Variants in NUP205 observed in about 807,000 individuals in gnomAD.
NUP205 encodes nuclear pore complex protein Nup205.
In NUP205, 76 loss-of-function variants were observed where a neutral mutation model predicts 253.8. That is an observed-to-expected ratio of 0.30 (90% CI 0.25 to 0.36). The LOEUF is 0.36. NUP205 is among the 10% of genes least tolerant of loss of function. The pLI, the probability that NUP205 is intolerant of heterozygous loss-of-function variation, is 1.00. For synonymous variants in NUP205, 832 were observed against 850.1 expected (o/e 0.98, Z 0.37); for missense variants, 2,162 against 2,425.5 (o/e 0.89, Z 2.28).
chr7:135,580,424 A>C (rs1806273462), intron 7 of NUP205, among the ~76,000 whole-genome samples: 1 of 152,162 alleles, frequency 6.6e-6, no homozygotes, highest in African/African-American at 2.4e-5. Context: ...TCTGACATAA[A>C]GTTACCCTTT....
rs79850592 is a variant in NUP205, at chr7:135,646,625, G to A, written c.5886+394G>A. The stretch of plus-strand genomic sequence containing the variant: ...TAAATAAATAAATAAATGAATGAAT[G>A]TAAGTAAGTAAGTAAAAAGGAAAGC... On this transcript the variant is annotated intron_variant, in intron 42 of 42. Transcript: ENST00000285968. Among the ~76,000 whole-genome samples the A allele has an allele frequency of 3.8e-3, 576 of 152,256 alleles. 2 individuals carry two copies. Among genetic ancestry groups the A allele is most frequent in the African/African-American group, 0.013 (551 of 41,552 alleles).
intron 22 of NUP205, chr7:135,613,601 A>T (rs1794290176): frequency 6.7e-6 from 1 of 149,090 alleles, no homozygotes; most frequent in South Asian, 2.1e-4. Context: ...CAGTGTCATG[A>T]TCTTGGCTCA....
chr7:135,617,406 AACTT>A (rs1447817373), intron 26 of NUP205, among the ~76,000 whole-genome samples, 159 bp downstream of exon 26: 1 of 152,224 alleles, frequency 6.6e-6, no homozygotes, highest in Non-Finnish European at 1.5e-5. Context: ...CCTGAAATAA[AACTT>A]AATATATCAC....
At chr7:135,598,772 A>T (rs1183572181) in intron 15 of NUP205, 1 of 152,808 alleles carries the variant, frequency 6.5e-6, no homozygotes, top group Non-Finnish European at 1.5e-5. Context: ...CGTGGCAGGT[A>T]CTATTTAATA....
intron 18 of NUP205, among the ~76,000 whole-genome samples, chr7:135,603,909 A>G (rs551450256): frequency 1.3e-5 from 2 of 152,196 alleles, no homozygotes; most frequent in Middle Eastern, 3.4e-3. Flanking sequence ...TTCACAGAAA[A>G]CTTGAGCTTT....
At chr7:135,643,447 C>G in intron 39 of NUP205, 89 bp downstream of exon 39, 1 of 938,852 alleles carries the variant, frequency 1.1e-6, no homozygotes, top group Non-Finnish European at 1.6e-6. Flanking sequence ...ACAACGTATA[C>G]AGTATGACTG....
At chr7:135,600,321 C>G (rs1377531848) in intron 15 of NUP205, among the ~76,000 whole-genome samples, 1 of 152,162 alleles carries the variant, frequency 6.6e-6, no homozygotes, top group Non-Finnish European at 1.5e-5. Flanking sequence ...GTCTTCTTAA[C>G]CTTCTTTGAC....
intron 17 of NUP205, among the ~76,000 whole-genome samples, chr7:135,602,270 G>T (rs1167711872): frequency 6.6e-6 from 1 of 152,196 alleles, no homozygotes; most frequent in Admixed American, 6.5e-5. Context: ...AAGATTATAG[G>T]TGATCCTTGT....
At chr7:135,647,684 A>G (rs1795035609) in intron 42 of NUP205, among the ~76,000 whole-genome samples, 1 of 152,222 alleles carries the variant, frequency 6.6e-6, no homozygotes, top group African/African-American at 2.4e-5. Context: ...TTTTGAAGTA[A>G]TAACTGTTAC....
At chr7:135,559,944 C>A (rs561637462) in intron 1 of NUP205, among the ~76,000 whole-genome samples, 4 of 151,824 alleles carry the variant, frequency 2.6e-5, no homozygotes, top group African/African-American at 7.2e-5. Flanking sequence ...CTGCAACGTC[C>A]GCCTCCTGGG....
Position 135,593,060 on chromosome 7 carries a change from C to T in NUP205, c.1698C>T (p.His566=), listed in dbSNP as rs144296796. The change falls in exon 12 of 43, where the codon CAC becomes CAT. Residue 566 remains histidine, a synonymous_variant. Transcript: ENST00000285968. ...TCTTTCACTCCTTGATGCTTTACCA[C>T]GAACACCTTCGGAAGGATCTTCCAA... ...EHFFHSLMLY[H]EHLRKDLPSA... 9 of 1,614,012 alleles carry T rather than the reference C, an allele frequency of 5.6e-6. No homozygotes were observed. Among genetic ancestry groups the T allele is most frequent in the Admixed American group, 1.7e-5 (1 of 60,010 alleles).
rs114019786 is a variant in NUP205, at chr7:135,638,443, A to C, written c.5266-114A>C. ...AAAAAAAAAAAAAAAGAATACACAG[A>C]TGTGAGTCATTTTACAAATTGATTG... On this transcript the variant is annotated intron_variant, in intron 37 of 42. Transcript: ENST00000285968. 1.0e-3 allele frequency: 826 copies of C among 805,624 alleles called. 6 individuals carry two copies. In the African/African-American group the frequency reaches 0.013, roughly 12 times the overall value. The allele number at this position is 805,624 out of a possible 1,614,324, so 49.9% of individuals were successfully genotyped here. A position where few individuals can be genotyped will look rare whatever the true frequency, so the allele number is the denominator to read the frequency against.
At chr7:135,567,948 G>A (rs1256399489) in intron 1 of NUP205, among the ~76,000 whole-genome samples, 2 of 152,122 alleles carry the variant, frequency 1.3e-5, no homozygotes, top group African/African-American at 2.4e-5. Flanking sequence ...AGTAGGGGCC[G>A]GGCGCCGTGG....
In NUP205 at chr7:135,638,136, G is replaced by A. The variant is rs1218227124; in HGVS notation, c.5265+77G>A. The A allele has an allele frequency of 3.4e-6, 5 of 1,491,718 alleles. No homozygotes were observed. In the South Asian group the frequency reaches 3.7e-5, roughly 11 times the overall value. The allele number at this position is 1,491,718 out of a possible 1,614,324, so 92.4% of individuals were successfully genotyped here. A position where few individuals can be genotyped will look rare whatever the true frequency, so the allele number is the denominator to read the frequency against. ...TAAAAATAACAGATGTGGACCTGGT[G>A]CGGTGGCTCACGCCTATAATCCCAG... On this transcript the variant is annotated intron_variant, in intron 37 of 42. Coordinates refer to ENST00000285968, the MANE Select transcript of NUP205 (RefSeq NM_015135.3).
At chr7:135,631,473 A>T (rs1416499608) in intron 35 of NUP205, among the ~76,000 whole-genome samples, 1 of 152,222 alleles carries the variant, frequency 6.6e-6, no homozygotes, top group Non-Finnish European at 1.5e-5. Context: ...GTAAATTTTG[A>T]ATCAGTTAAC....
chr7:135,644,108 A>G (rs1002279741), intron 39 of NUP205, among the ~76,000 whole-genome samples: 4 of 152,162 alleles, frequency 2.6e-5, no homozygotes, highest in Non-Finnish European at 5.9e-5. Context: ...CCTGAACTAC[A>G]TGTTCTACCT....
chr7:135,605,358 A>G (rs1159280728), intron 19 of NUP205, among the ~76,000 whole-genome samples: 2 of 152,112 alleles, frequency 1.3e-5, no homozygotes, highest in Non-Finnish European at 2.9e-5. Flanking sequence ...TAGAGTCCCT[A>G]TTTTGAAATA....
intron 10 of NUP205, among the ~76,000 whole-genome samples, chr7:135,590,219 C>G (rs545365206): frequency 6.6e-6 from 1 of 151,134 alleles, no homozygotes; most frequent in South Asian, 2.1e-4. Context: ...TTAAGTGATT[C>G]TACCGCCTCA....
rs1338795306 is a variant in NUP205, at chr7:135,638,137, C to T, written c.5265+78C>T. 61 of 1,461,446 alleles carry T rather than the reference C, an allele frequency of 4.2e-5. 3 individuals carry two copies. Among genetic ancestry groups the T allele is most frequent in the South Asian group, 2.9e-4 (23 of 78,960 alleles). 90.5% of individuals were successfully genotyped at this position (1,461,446 alleles called of 1,614,324 possible). ...AAAAATAACAGATGTGGACCTGGTG[C>T]GGTGGCTCACGCCTATAATCCCAGC... On this transcript the variant is annotated intron_variant, in intron 37 of 42. Transcript: ENST00000285968.
Sources: allele counts gnomAD v4.1 joint callset (sites outside exome capture counted in the v4.1 genomes callset), GRCh38; gene constraint gnomAD v4.1.1; transcripts MANE v1.5; gene names NCBI Gene and HGNC (gene_info 2026-07-23, HGNC 2026-07-21).